GPC5: variants seen among roughly 807,000 people sequenced by gnomAD.
GPC5 encodes glypican 5, also known as glypican-5.
A neutral mutation model predicts 53.9 loss-of-function variants in GPC5; 47 were observed. The observed-to-expected ratio is 0.87, with a 90% CI of 0.69 to 1.11. The LOEUF (loss-of-function observed/expected upper bound fraction) is 1.11. GPC5 is among the 50% of genes most tolerant of loss of function. GPC5 has a pLI of 0.00. For synonymous variants in GPC5, 286 were observed against 263.3 expected, an observed-to-expected ratio of 1.09 and a Z score of -0.84; for missense variants, 748 against 713.1, an observed-to-expected ratio of 1.05 and a Z score of -0.56.
intron 7 of GPC5, among the ~76,000 whole-genome samples, chr13:92,201,346 G>A (rs2042294014): frequency 6.6e-6 from 1 of 152,202 alleles, no homozygotes; most frequent in African/African-American, 2.4e-5. Flanking sequence ...GCTGTTGGCC[G>A]AGGAGCAGCC....
At chr13:92,427,049 G>T (rs192015721) in intron 7 of GPC5, among the ~76,000 whole-genome samples, 342 of 151,882 alleles carry the variant, frequency 2.3e-3, no homozygotes, top group Non-Finnish European at 3.5e-3. Context: ...AGAACATCTT[G>T]CTGTAAATAG....
intron 7 of GPC5, among the ~76,000 whole-genome samples, chr13:92,179,262 A>G (rs2042129774): frequency 6.6e-6 from 1 of 152,218 alleles, no homozygotes; most frequent in African/African-American, 2.4e-5. Context: ...AAAGGAAAAA[A>G]ATAAAGGATA....
rs530698988 is a variant in GPC5 at position 91,816,026 on chromosome 13, C to T, written c.1280+59606C>T. ...ATTGTTCCATTCCCTGGGAAGCTTA[C>T]CTAGCTAAATAATATTATAAAATTT... On this transcript the variant is annotated intron_variant, in intron 5 of 7. Transcript: ENST00000377067. 5.3e-5 allele frequency among the ~76,000 whole-genome samples: 8 copies of T among 152,202 alleles called. No individual in the cohort carries two copies. In the East Asian group the frequency reaches 1.5e-3, roughly 29 times the overall value.
At chr13:91,870,580 A>C (rs2039133370) in intron 5 of GPC5, among the ~76,000 whole-genome samples, 1 of 152,204 alleles carries the variant, frequency 6.6e-6, no homozygotes, top group South Asian at 2.1e-4. Flanking sequence ...ACTTACCATG[A>C]GTAAAGCACC....
chr13:92,837,645 C>G (rs937909052), intron 7 of GPC5, among the ~76,000 whole-genome samples: 1 of 152,096 alleles, frequency 6.6e-6, no homozygotes, highest in African/African-American at 2.4e-5. Flanking sequence ...AGCAGAAAGC[C>G]TGCGAAAAGC....
At chr13:92,285,374 G>T (rs955847395) in intron 7 of GPC5, among the ~76,000 whole-genome samples, 11 of 152,104 alleles carry the variant, frequency 7.2e-5, no homozygotes, top group Non-Finnish European at 1.2e-4. Flanking sequence ...TGTCTTCACA[G>T]AATTGGAAAA....
chr13:91,893,490 C>A (rs570770418), intron 5 of GPC5, among the ~76,000 whole-genome samples: 1 of 152,004 alleles, frequency 6.6e-6, no homozygotes, highest in Non-Finnish European at 1.5e-5. Context: ...ATCATGTAGA[C>A]ACAACATATA....
At chr13:92,506,923 G>C (rs1280222777) in intron 7 of GPC5, among the ~76,000 whole-genome samples, 1 of 152,142 alleles carries the variant, frequency 6.6e-6, no homozygotes, top group Non-Finnish European at 1.5e-5. Context: ...TATACATACA[G>C]ATCATTGCAC....
intron 7 of GPC5, among the ~76,000 whole-genome samples, chr13:92,575,510 T>G (rs1293802128): frequency 6.6e-6 from 1 of 152,144 alleles, no homozygotes; most frequent in African/African-American, 2.4e-5. Flanking sequence ...CACCTTGATT[T>G]TGGACATCTG....
At chr13:91,541,817 A>G (rs1405826390) in intron 2 of GPC5, among the ~76,000 whole-genome samples, 1 of 138,492 alleles carries the variant, frequency 7.2e-6, no homozygotes, top group East Asian at 2.2e-4. Flanking sequence ...GAACTTCCAT[A>G]TTAATTAATA....
intron 2 of GPC5, among the ~76,000 whole-genome samples, chr13:91,465,747 A>T (rs1315908413): frequency 6.6e-6 from 1 of 152,122 alleles, no homozygotes; most frequent in Non-Finnish European, 1.5e-5. Flanking sequence ...ACTTATCTTT[A>T]ACTTTTTTTC....
At chr13:92,335,288 A>T (rs1024690923) in intron 7 of GPC5, among the ~76,000 whole-genome samples, 2 of 152,256 alleles carry the variant, frequency 1.3e-5, no homozygotes, top group African/African-American at 4.8e-5. Flanking sequence ...GGCTTGAACC[A>T]TTTGAAGCCA....
chr13:91,501,859 C>G (rs1424800395), intron 2 of GPC5, among the ~76,000 whole-genome samples: 1 of 152,196 alleles, frequency 6.6e-6, no homozygotes, highest in Admixed American at 6.5e-5. Context: ...TACAGTTCCA[C>G]CAACAGTGTA....
chr13:91,851,286 T>C (rs7323924), intron 5 of GPC5, among the ~76,000 whole-genome samples: 28,421 of 151,614 alleles, frequency 0.19, 2,902 homozygotes, highest in East Asian at 0.31. Context: ...GATCTAAACA[T>C]GGAAAAATAC....
intron 6 of GPC5, among the ~76,000 whole-genome samples, chr13:92,090,722 T>C (rs1383384266): frequency 6.6e-6 from 1 of 152,178 alleles, no homozygotes; most frequent in Admixed American, 6.5e-5. Flanking sequence ...AATTAGAAAA[T>C]GATGTTTTGT....
At chr13:91,873,518 TG>T (rs1215690920) in intron 5 of GPC5, among the ~76,000 whole-genome samples, 3 of 152,034 alleles carry the variant, frequency 2.0e-5, no homozygotes, top group Non-Finnish European at 4.4e-5. Flanking sequence ...CAAGATCCAG[TG>T]GTTTTAAAAA....
rs116873851 is a variant in GPC5, at chr13:92,852,267, G to A, written c.1562-14015G>A. Among the ~76,000 whole-genome samples the A allele has an allele frequency of 1.0e-3, 158 of 152,256 alleles. 1 individual carries two copies. Among genetic ancestry groups the A allele is most frequent in the East Asian group, 8.7e-3 (45 of 5,156 alleles). On this transcript the variant is annotated intron_variant, in intron 7 of 7. Coordinates refer to ENST00000377067, the MANE Select transcript of GPC5 (RefSeq NM_004466.6). ...TACACGACTCTGGTTTGACCATTAC[G>A]TTGTAGCGTGTTTAGCAACTGTGGT...
chr13:92,177,082 G>A (rs1021082113), intron 7 of GPC5, among the ~76,000 whole-genome samples: 13 of 151,968 alleles, frequency 8.6e-5, no homozygotes, highest in African/African-American at 3.1e-4. Flanking sequence ...TGCCTTTTTG[G>A]ATTTTGGATA....
chr13:92,108,200 A>C (rs2041525228), intron 6 of GPC5, among the ~76,000 whole-genome samples: 1 of 152,160 alleles, frequency 6.6e-6, no homozygotes, highest in Non-Finnish European at 1.5e-5. Context: ...CACATCAACA[A>C]TAATTATACA....
Sources: allele counts gnomAD v4.1 joint callset (sites outside exome capture counted in the v4.1 genomes callset), GRCh38; gene constraint gnomAD v4.1.1; transcripts MANE v1.5; gene names NCBI Gene and HGNC (gene_info 2026-07-23, HGNC 2026-07-21).